The following CNTNAP2 variants were observed in gnomAD, a reference collection of about 807,000 sequenced individuals.
The protein encoded by CNTNAP2 is contactin associated protein 2.
In CNTNAP2, 98 loss-of-function variants were observed where a neutral mutation model predicts 155.2. The observed-to-expected ratio is 0.63, with a 90% CI of 0.54 to 0.75. The LOEUF is 0.75. CNTNAP2 is among the 30% of genes least tolerant of loss of function. The pLI is 0.00. For missense variants in CNTNAP2, 1,727 were observed against 1,688.1 expected (o/e 1.02, Z -0.40); for synonymous variants, 651 against 631.2 (o/e 1.03, Z -0.47).
chr7:147,821,658 T>C (rs914587309), intron 13 of CNTNAP2, among the ~76,000 whole-genome samples: 5 of 151,960 alleles, frequency 3.3e-5, no homozygotes, highest in Non-Finnish European at 7.4e-5. Flanking sequence ...AATTTGGGTG[T>C]TGGGGAGGAA....
chr7:148,151,983 C>T (rs1433223316), intron 17 of CNTNAP2, among the ~76,000 whole-genome samples: 3 of 152,092 alleles, frequency 2.0e-5, no homozygotes, highest in South Asian at 2.1e-4. Context: ...AAGAGCTCCA[C>T]CTAGGTTCCG....
chr7:147,148,945 C>T (rs1218810589), intron 8 of CNTNAP2, among the ~76,000 whole-genome samples: 1 of 152,174 alleles, frequency 6.6e-6, no homozygotes, highest in African/African-American at 2.4e-5. Context: ...ATAAAGGTAG[C>T]ACAGACACAA....
At chr7:146,572,833 A>T (rs1191979533) in intron 1 of CNTNAP2, among the ~76,000 whole-genome samples, 1 of 152,092 alleles carries the variant, frequency 6.6e-6, no homozygotes, top group Non-Finnish European at 1.5e-5. Context: ...TTCTATAAAA[A>T]TGTGGTTTGT....
intron 13 of CNTNAP2, among the ~76,000 whole-genome samples, chr7:147,827,210 C>T (rs982445092): frequency 1.3e-5 from 2 of 152,094 alleles, no homozygotes; most frequent in African/African-American, 2.4e-5. Flanking sequence ...TAATTACTCA[C>T]TGTTGATGAA....
At chr7:146,566,692 G>A (rs987019451) in intron 1 of CNTNAP2, among the ~76,000 whole-genome samples, 1 of 149,344 alleles carries the variant, frequency 6.7e-6, no homozygotes, top group Non-Finnish European at 1.5e-5. Context: ...GCAAGACTCC[G>A]TCTCAAAAAT....
At chr7:147,113,650 G>C (rs775728226) in intron 5 of CNTNAP2, among the ~76,000 whole-genome samples, 1 of 152,008 alleles carries the variant, frequency 6.6e-6, no homozygotes, top group African/African-American at 2.4e-5. Context: ...AACAGCAAGG[G>C]GAACCACCCC....
chr7:147,213,571 C>CAAA (rs5888241), intron 8 of CNTNAP2, among the ~76,000 whole-genome samples: 3 of 139,994 alleles, frequency 2.1e-5, no homozygotes, highest in African/African-American at 7.8e-5. Flanking sequence ...GCCCTCATCG[C>CAAA]AAAAAAAAAA....
rs1361189585 is a variant in CNTNAP2 at position 147,478,656 on chromosome 7, A to G, written c.1671-7279A>G. ...TTTCTGGAAGAAGATTGGGAAGGAC[A>G]AAAAAGGAGAAATAGTTCATATCCT... On this transcript the variant is annotated intron_variant, in intron 10 of 23. Coordinates refer to ENST00000361727, the MANE Select transcript of CNTNAP2 (RefSeq NM_014141.6). 2.0e-5 allele frequency among the ~76,000 whole-genome samples: 3 copies of G among 152,210 alleles called. No individual in the cohort carries two copies. In the East Asian group the frequency reaches 5.8e-4, roughly 29 times the overall value.
chr7:148,276,371 G>A (rs1209473814), intron 21 of CNTNAP2, among the ~76,000 whole-genome samples: 2 of 152,156 alleles, frequency 1.3e-5, no homozygotes, highest in Admixed American at 6.5e-5. Flanking sequence ...ATCCCACCAG[G>A]ACACTCTGGA....
At chr7:148,405,736 C>T (rs929801654) in intron 22 of CNTNAP2, among the ~76,000 whole-genome samples, 5 of 149,800 alleles carry the variant, frequency 3.3e-5, no homozygotes, top group South Asian at 2.1e-4. Flanking sequence ...CTGCCTCAGC[C>T]TCCCGAGTAG....
chr7:147,812,888 T>C (rs182176595), intron 13 of CNTNAP2, among the ~76,000 whole-genome samples: 138 of 152,228 alleles, frequency 9.1e-4, no homozygotes, highest in Middle Eastern at 6.8e-3. Flanking sequence ...CTAACATATA[T>C]TAATAATACA....
At chr7:147,642,710 C>G (rs1404225492) in intron 13 of CNTNAP2, among the ~76,000 whole-genome samples, 1 of 152,140 alleles carries the variant, frequency 6.6e-6, no homozygotes, top group Non-Finnish European at 1.5e-5. Flanking sequence ...TTAATCTGAA[C>G]AGTAAATATA....
intron 1 of CNTNAP2, among the ~76,000 whole-genome samples, chr7:146,452,818 A>T (rs1379970683): frequency 5.3e-5 from 8 of 152,200 alleles, no homozygotes; most frequent in African/African-American, 1.9e-4. Flanking sequence ...GCAGGGACCA[A>T]ATTTGCTCTC....
chr7:146,871,261 T>G (rs1030687665), intron 3 of CNTNAP2, among the ~76,000 whole-genome samples: 5 of 152,160 alleles, frequency 3.3e-5, no homozygotes, highest in African/African-American at 4.8e-5. Context: ...CAGGGTGTGG[T>G]GGCTCACGCC....
intron 8 of CNTNAP2, among the ~76,000 whole-genome samples, chr7:147,186,877 G>A (rs930416574): frequency 7.5e-5 from 7 of 93,680 alleles, no homozygotes; most frequent in African/African-American, 1.6e-4. Context: ...TGATCTTTTC[G>A]GGCTGACCAG....
intron 4 of CNTNAP2, among the ~76,000 whole-genome samples, chr7:147,093,733 A>G (rs1321568833): frequency 3.3e-5 from 5 of 152,146 alleles, no homozygotes; most frequent in African/African-American, 1.2e-4. Context: ...CTAACTCCAA[A>G]GTCTCATCTA....
intron 4 of CNTNAP2, among the ~76,000 whole-genome samples, chr7:147,090,411 A>G (rs776231656): frequency 6.6e-6 from 1 of 152,000 alleles, no homozygotes; most frequent in Non-Finnish European, 1.5e-5. Context: ...AAATATTAGC[A>G]AAAAGAGAGG....
At chr7:148,345,888 A>G (rs1798318591) in intron 21 of CNTNAP2, among the ~76,000 whole-genome samples, 2 of 152,064 alleles carry the variant, frequency 1.3e-5, no homozygotes, top group Non-Finnish European at 2.9e-5. Context: ...AATAGTACTT[A>G]GCAGGCTTAG....
intron 1 of CNTNAP2, among the ~76,000 whole-genome samples, chr7:146,342,058 C>T (rs750741802): frequency 6.6e-6 from 1 of 152,064 alleles, no homozygotes; most frequent in Non-Finnish European, 1.5e-5. Flanking sequence ...CTAAATAACT[C>T]TAAAAATAAA....
Sources: gnomAD v4.1 joint callset for allele counts (sites outside exome capture counted in the v4.1 genomes callset) on GRCh38, gnomAD v4.1.1 for gene constraint, MANE v1.5 for transcripts, NCBI Gene and HGNC (gene_info 2026-07-23, HGNC 2026-07-21) for gene names.